Variants in ITGB1 observed in about 807,000 individuals in gnomAD.
ITGB1 encodes the protein integrin subunit beta 1.
A neutral mutation model predicts 86.5 loss-of-function variants in ITGB1; 24 were observed. That is an observed-to-expected ratio of 0.28 (90% CI 0.20 to 0.39). The LOEUF is 0.39. ITGB1 is among the 10% of genes least tolerant of loss of function. The probability of loss-of-function intolerance (pLI) is 1.00; values close to 1 mark genes in which losing one functional copy is unlikely to be tolerated. For synonymous variants in ITGB1, 323 were observed against 316.8 expected (o/e 1.02, Z -0.21); for missense variants, 556 against 946.9 (o/e 0.59, Z 5.42).
chr10:32,932,710 A>G, intron 2 of ITGB1, 110 bp from the exon 3 acceptor site: 2 of 651,762 alleles, frequency 3.1e-6, no homozygotes, highest in Non-Finnish European at 5.5e-6. Flanking sequence ...TATTAATACT[A>G]TGACCTAGTT....
intron 5 of ITGB1, among the ~76,000 whole-genome samples, chr10:32,927,427 C>T (rs993028831): frequency 6.6e-6 from 1 of 152,144 alleles, no homozygotes; most frequent in Non-Finnish European, 1.5e-5. Context: ...TGAGATCAGG[C>T]TGTACGGGCA....
chr10:32,941,586 T>C (rs915572697), intron 1 of ITGB1, among the ~76,000 whole-genome samples: 1 of 152,140 alleles, frequency 6.6e-6, no homozygotes, highest in Non-Finnish European at 1.5e-5. Context: ...GGAAGGGAAC[T>C]GAAAAAATTT....
chr10:32,942,616 G>A (rs2095021198), intron 1 of ITGB1, among the ~76,000 whole-genome samples: 1 of 152,068 alleles, frequency 6.6e-6, no homozygotes, highest in Admixed American at 6.5e-5. Context: ...ACTTTGAGGG[G>A]CTGAGGTAAG....
At chr10:32,944,788 C>T in intron 1 of ITGB1, 1 of 767,104 alleles carries the variant, frequency 1.3e-6, no homozygotes, top group Admixed American at 1.8e-5. Context: ...CTGCCAGTGG[C>T]TGAGTCTACA....
At chr10:32,920,775 C>A (rs1248802404) in intron 9 of ITGB1, among the ~76,000 whole-genome samples, 1 of 150,228 alleles carries the variant, frequency 6.7e-6, no homozygotes, top group Non-Finnish European at 1.5e-5. Flanking sequence ...GAGTTGGAGA[C>A]CAGCCTGGCC....
At chr10:32,920,201 T>A (rs1018646625) in intron 10 of ITGB1, 44 bp downstream of exon 10, 1 of 1,592,450 alleles carries the variant, frequency 6.3e-7, no homozygotes, top group Admixed American at 1.7e-5. Context: ...AATTTGCTTA[T>A]AAATAACCAA....
chr10:32,924,521 A>G (rs540360518), intron 6 of ITGB1, among the ~76,000 whole-genome samples: 1 of 152,346 alleles, frequency 6.6e-6, no homozygotes, highest in Non-Finnish European at 1.5e-5. Context: ...AATCTTTCAA[A>G]AGTGGAATGT....
chr10:32,921,172 A>AAC (rs1555220589), intron 9 of ITGB1, among the ~76,000 whole-genome samples: 145 of 151,824 alleles, frequency 9.6e-4, no homozygotes, highest in Non-Finnish European at 1.8e-3. Flanking sequence ...CCAAAAAAAA[A>AAC]AAAAAACAAA....
chr10:32,951,038 G>A (rs140332364), intron 1 of ITGB1, among the ~76,000 whole-genome samples: 2 of 152,136 alleles, frequency 1.3e-5, no homozygotes, highest in South Asian at 2.1e-4. Flanking sequence ...AAGATAATAC[G>A]TTGGGGGTAG....
At chr10:32,942,424 G>A (rs2095020628) in intron 1 of ITGB1, among the ~76,000 whole-genome samples, 1 of 152,144 alleles carries the variant, frequency 6.6e-6, no homozygotes, top group Non-Finnish European at 1.5e-5. Flanking sequence ...ATTTATACAG[G>A]CATATTTGTA....
chr10:32,912,355 C>A (rs1282332088), intron 11 of ITGB1, among the ~76,000 whole-genome samples: 1 of 152,164 alleles, frequency 6.6e-6, no homozygotes, highest in Non-Finnish European at 1.5e-5. Context: ...TCGCCTCACC[C>A]GGGAAGCACA....
chr10:32,918,579 G>T (rs1463773950), intron 11 of ITGB1, among the ~76,000 whole-genome samples: 1 of 152,066 alleles, frequency 6.6e-6, no homozygotes, highest in Non-Finnish European at 1.5e-5. Context: ...TGGAATATAT[G>T]CAAGAGTCTA....
chr10:32,918,637 T>G (rs917064397), intron 11 of ITGB1, among the ~76,000 whole-genome samples: 1 of 152,156 alleles, frequency 6.6e-6, no homozygotes, highest in African/African-American at 2.4e-5. Flanking sequence ...AAGACAAAAA[T>G]GTAATCTAGC....
chr10:32,947,976 G>A (rs765618256), intron 1 of ITGB1, among the ~76,000 whole-genome samples: 1 of 150,858 alleles, frequency 6.6e-6, no homozygotes, highest in African/African-American at 2.4e-5. Context: ...CAATAACAAC[G>A]TAATTGAATA....
At chr10:32,918,060 T>C (rs544373731) in intron 11 of ITGB1, among the ~76,000 whole-genome samples, 131 of 152,302 alleles carry the variant, frequency 8.6e-4, no homozygotes, top group African/African-American at 3.1e-3. Flanking sequence ...TGGATGAAGC[T>C]GGAAACCATC....
At chr10:32,958,048 C>G (rs923913262) in intron 1 of ITGB1, 97 bp downstream of exon 1, 3 of 148,044 alleles carry the variant, frequency 2.0e-5, no homozygotes. Flanking sequence ...GCACAAAGGT[C>G]CCGGCGCGGC....
intron 9 of ITGB1, among the ~76,000 whole-genome samples, chr10:32,921,601 T>A (rs1055769912): frequency 6.6e-6 from 1 of 152,194 alleles, no homozygotes. Flanking sequence ...ATTATTTAAA[T>A]GATTATTAAT....
At chr10:32,902,865 T>C (rs1342975421) in intron 15 of ITGB1, among the ~76,000 whole-genome samples, 1 of 152,212 alleles carries the variant, frequency 6.6e-6, no homozygotes, top group Non-Finnish European at 1.5e-5. Context: ...TGATGAAGTT[T>C]ACAATAGAGT....
At chr10:32,901,661 A>G (rs1022971853) in intron 15 of ITGB1, 26 bp from the exon 16 acceptor site, 1 of 1,427,300 alleles carries the variant, frequency 7.0e-7, no homozygotes, top group Middle Eastern at 1.8e-4. Flanking sequence ...AGTGAGAAAA[A>G]TTATCAGTTA....
Sources: gnomAD v4.1 joint callset for allele counts (sites outside exome capture counted in the v4.1 genomes callset) on GRCh38, gnomAD v4.1.1 for gene constraint, MANE v1.5 for transcripts, NCBI Gene and HGNC (gene_info 2026-07-23, HGNC 2026-07-21) for gene names.